Variants in COL25A1 observed in about 807,000 individuals in gnomAD.
The protein encoded by COL25A1 is collagen type XXV alpha 1 chain, also known as collagen alpha-1(XXV) chain.
Under a neutral mutation model 128.4 loss-of-function variants are expected in COL25A1, and 103 were observed. The ratio of observed to expected loss-of-function variants is 0.80; its 90% CI spans 0.68 to 0.94. The LOEUF is 0.94. Among genes scored for constraint, COL25A1 ranks in the 40% least tolerant of loss-of-function variants. The pLI is 0.00. For missense variants in COL25A1, 745 were observed against 840.0 expected (o/e 0.89, Z 1.40); for synonymous variants, 279 against 277.2 (o/e 1.01, Z -0.06).
At chr4:109,119,726 C>A (rs974421301) in intron 3 of COL25A1, among the ~76,000 whole-genome samples, 10 of 151,940 alleles carry the variant, frequency 6.6e-5, no homozygotes, top group African/African-American at 2.2e-4. Context: ...TATATCAATT[C>A]TCTAAAAAGC....
chr4:109,276,922 T>A (rs1267103128), intron 3 of COL25A1, among the ~76,000 whole-genome samples: 5 of 152,184 alleles, frequency 3.3e-5, no homozygotes, highest in Admixed American at 3.3e-4. Flanking sequence ...TTCCTTAACA[T>A]CACTACCACC....
intron 3 of COL25A1, among the ~76,000 whole-genome samples, chr4:109,225,473 C>T (rs529846381): frequency 5.9e-5 from 9 of 152,198 alleles, no homozygotes; most frequent in East Asian, 5.8e-4. Flanking sequence ...GACGAGGATG[C>T]GGAGAAAACG....
rs1478712654 is a variant in COL25A1 at position 109,214,495 on chromosome 4, A to G, written c.367+86088T>C. ...AACCAGTAACACTGAGAAAAGTCCT[A>G]GATTACCAACTTTGTTAGAAACACT... On this transcript the variant is annotated intron_variant, in intron 3 of 37. Transcript: ENST00000399132. Among the ~76,000 whole-genome samples the G allele has an allele frequency of 2.6e-5, 4 of 152,296 alleles. No homozygotes were observed. In the East Asian group the frequency reaches 7.7e-4, roughly 29 times the overall value.
intron 6 of COL25A1, among the ~76,000 whole-genome samples, chr4:108,991,346 C>T (rs553968308): frequency 1.3e-4 from 20 of 152,136 alleles, no homozygotes; most frequent in African/African-American, 4.8e-4. Context: ...CACAAATGAT[C>T]ATGTTAAAAA....
chr4:109,057,421 ATTTTTTTTTTTTTTTT>A (rs776941019), intron 3 of COL25A1, among the ~76,000 whole-genome samples: 64 of 20,240 alleles, frequency 3.2e-3, no homozygotes, highest in East Asian at 0.021. Flanking sequence ...TGCCTAGCTA[ATTTTTTTTTTTTTTTT>A]TTTTTTTTTT....
chr4:108,909,714 A>G (rs994718335), intron 13 of COL25A1, among the ~76,000 whole-genome samples: 2 of 152,230 alleles, frequency 1.3e-5, no homozygotes, highest in Non-Finnish European at 2.9e-5. Context: ...TGAAATTTAC[A>G]TAAATGAGAG....
chr4:109,008,690 T>C (rs1756277549), intron 6 of COL25A1, among the ~76,000 whole-genome samples: 1 of 152,184 alleles, frequency 6.6e-6, no homozygotes. Flanking sequence ...TCCCAGTTTA[T>C]GGTGTCATTC....
chr4:108,849,514 T>C (rs753709914), intron 26 of COL25A1, among the ~76,000 whole-genome samples: 1 of 152,250 alleles, frequency 6.6e-6, no homozygotes, highest in Non-Finnish European at 1.5e-5. Flanking sequence ...AAACTGAAGA[T>C]GTTCATTAAA....
At chr4:108,885,830 A>G (rs1425689755) in intron 18 of COL25A1, among the ~76,000 whole-genome samples, 1 of 152,244 alleles carries the variant, frequency 6.6e-6, no homozygotes, top group East Asian at 1.9e-4. Flanking sequence ...CAGACATTCT[A>G]TCTGAAACAT....
At chr4:109,031,452 G>A (rs1463055815) in intron 5 of COL25A1, among the ~76,000 whole-genome samples, 1 of 151,942 alleles carries the variant, frequency 6.6e-6, no homozygotes, top group Non-Finnish European at 1.5e-5. Context: ...AAGAATTTAC[G>A]CAAATCACCA....
At position 109,002,696 on chromosome 4, in the gene COL25A1, C is replaced by T. The variant is rs559082316; in HGVS notation, c.438+7662G>A. On this transcript the variant is annotated intron_variant, in intron 6 of 37. Coordinates refer to ENST00000399132, the MANE Select transcript of COL25A1 (RefSeq NM_198721.4). ...AATGTATATGTATGTGAAATCATTA[C>T]ACTGTACATCTTGAGTATATTCAGT... is the stretch of plus-strand genomic sequence containing the variant. Among the ~76,000 whole-genome samples, 213 of 152,248 alleles carry T rather than the reference C, an allele frequency of 1.4e-3. 4 individuals carry two copies. The highest frequency in any genetic ancestry group is 1.6e-3 in the Non-Finnish European group (107 of 68,000).
rs1742195991 is a variant in COL25A1, at chr4:108,896,684, C to T, written c.889G>A (p.Gly297Ser). 6.2e-7 allele frequency: 1 copy of T among 1,613,584 alleles called. No homozygotes were observed. Among genetic ancestry groups the T allele is most frequent in the Non-Finnish European group, 8.5e-7 (1 of 1,179,940 alleles). The change falls in exon 16 of 38, where the codon GGT becomes AGT. Residue 297 changes from glycine (G) to serine (S), a missense_variant. Transcript: ENST00000399132. The part of the protein sequence containing the change: ...KGDAGENGPK[G>S]DTGEKGDPGS... The stretch of plus-strand genomic sequence containing the variant: ...AACTGTACCTTTTCGCCTGTGTCAC[C>T]CTTGGGGCCGTTCTCTCCAGCGTCT...
intron 26 of COL25A1, among the ~76,000 whole-genome samples, chr4:108,850,080 G>A (rs1324878784): frequency 6.6e-6 from 1 of 152,130 alleles, no homozygotes; most frequent in Non-Finnish European, 1.5e-5. Flanking sequence ...CTGAATACTT[G>A]TCAGCACTGT....
intron 13 of COL25A1, among the ~76,000 whole-genome samples, chr4:108,915,022 G>A (rs374598600): frequency 1.3e-5 from 2 of 152,086 alleles, no homozygotes; most frequent in East Asian, 1.9e-4. Flanking sequence ...CAGAGACCAC[G>A]CCCTTTTCTC....
intron 3 of COL25A1, among the ~76,000 whole-genome samples, chr4:109,112,223 A>G (rs1312142599): frequency 6.6e-6 from 1 of 152,140 alleles, no homozygotes; most frequent in African/African-American, 2.4e-5. Context: ...GATCTTCGGG[A>G]TATTTAAATG....
At chr4:109,051,856 T>C (rs943185379) in intron 3 of COL25A1, among the ~76,000 whole-genome samples, 3 of 152,118 alleles carry the variant, frequency 2.0e-5, no homozygotes, top group African/African-American at 7.2e-5. Flanking sequence ...ATTGAACTTA[T>C]ATTTCAAGTG....
In COL25A1 at chr4:109,013,108, A is replaced by G. The variant is rs147041869; in HGVS notation, c.421-2733T>C. On this transcript the variant is annotated intron_variant, in intron 5 of 37. Transcript: ENST00000399132. ...CTAGCTAAAGGATTGTAAATGCACCAATCAGCACTCTGTGTCTAGCTCAAA... is the reference window on the plus strand; with the variant it reads ...CTAGCTAAAGGATTGTAAATGCACCGATCAGCACTCTGTGTCTAGCTCAAA... Among the ~76,000 whole-genome samples, 73 of 152,340 alleles carry G rather than the reference A, an allele frequency of 4.8e-4. 1 individual carries two copies. In the East Asian group the frequency reaches 0.014, roughly 29 times the overall value.
intron 3 of COL25A1, among the ~76,000 whole-genome samples, chr4:109,172,489 T>C (rs1457006359): frequency 4.6e-5 from 7 of 152,152 alleles, no homozygotes; most frequent in African/African-American, 1.7e-4. Flanking sequence ...CTGACCACAA[T>C]CTGATCCTTC....
intron 3 of COL25A1, among the ~76,000 whole-genome samples, chr4:109,075,818 G>A (rs918730794): frequency 1.3e-5 from 2 of 151,918 alleles, no homozygotes; most frequent in African/African-American, 4.8e-5. Flanking sequence ...CCAAAACATC[G>A]AGTGTTTCCT....
Sources: gnomAD v4.1 joint callset for allele counts (sites outside exome capture counted in the v4.1 genomes callset) on GRCh38, gnomAD v4.1.1 for gene constraint, MANE v1.5 for transcripts, NCBI Gene and HGNC (gene_info 2026-07-23, HGNC 2026-07-21) for gene names.